CEP192: variants seen among roughly 807,000 people sequenced by gnomAD.
The protein encoded by CEP192 is centrosomal protein of 192 kDa.
In CEP192, 151 loss-of-function variants were observed where a neutral mutation model predicts 271.8. That is an observed-to-expected ratio of 0.56 (90% CI 0.49 to 0.64). CEP192 has a LOEUF of 0.64. Ranked by LOEUF, CEP192 falls within the 30% of genes least tolerant of loss-of-function variation. The pLI, the probability that CEP192 is intolerant of heterozygous loss-of-function variation, is 0.00. For missense variants in CEP192, 2,910 were observed against 3,020.5 expected (o/e 0.96, Z 0.86); for synonymous variants, 995 against 1,076.5 (o/e 0.92, Z 1.48).
chr18:13,083,480 C>G (rs2038733960), intron 30 of CEP192, among the ~76,000 whole-genome samples: 1 of 152,150 alleles, frequency 6.6e-6, no homozygotes, highest in Non-Finnish European at 1.5e-5. Flanking sequence ...CATTTGTGGT[C>G]TTCTCTGTGA....
chr18:13,051,693 G>A (rs544696188), intron 17 of CEP192, among the ~76,000 whole-genome samples: 3 of 152,106 alleles, frequency 2.0e-5, no homozygotes, highest in African/African-American at 7.2e-5. Context: ...ACAGGTGCCC[G>A]CCACCATGCC....
chr18:13,095,468 A>G, intron 34 of CEP192, 35 bp from the exon 35 acceptor site: 5 of 1,533,722 alleles, frequency 3.3e-6, no homozygotes, highest in Non-Finnish European at 4.4e-6. Flanking sequence ...CTCTTTCTTC[A>G]TGTCTAACTT....
chr18:13,048,949 T>TCAGC lies in CEP192; in HGVS notation c.2161_2164dup (p.Ile722SerfsTer8), dbSNP rs774267813. 2.1e-5 allele frequency: 34 copies of TCAGC among 1,614,008 alleles called. No homozygotes were observed. In the Admixed American group the frequency reaches 5.7e-4, roughly 27 times the overall value. On this transcript the variant is annotated frameshift_variant, in exon 16 of 45. Coordinates refer to ENST00000506447, the MANE Select transcript of CEP192 (RefSeq NM_032142.4). LOFTEE classifies it high-confidence loss of function. Reference sequence around the variant, plus strand: ...TATGCTTAGGATCAGCACCATTGCTTCAGCCATTGCAGAGGCATCAGTTAA... The same window carrying TCAGC: ...TATGCTTAGGATCAGCACCATTGCTTCAGCCAGCCATTGCAGAGGCATCAGTTAA...
intron 21 of CEP192, among the ~76,000 whole-genome samples, chr18:13,060,788 G>C (rs1023403476): frequency 3.3e-5 from 5 of 152,032 alleles, no homozygotes; most frequent in African/African-American, 1.2e-4. Context: ...GCTGGGTGTG[G>C]TGGTGCATGC....
chr18:13,062,242 G>A (rs1225124745), intron 21 of CEP192, among the ~76,000 whole-genome samples: 2 of 152,126 alleles, frequency 1.3e-5, no homozygotes, highest in East Asian at 1.9e-4. Context: ...TTGGAGGAGT[G>A]GAACTAGAGG....
At chr18:13,092,924 G>A (rs574258736) in intron 34 of CEP192, among the ~76,000 whole-genome samples, 1 of 152,212 alleles carries the variant, frequency 6.6e-6, no homozygotes, top group Admixed American at 6.5e-5. Flanking sequence ...GGAGGCCAAG[G>A]CAGGCGGATC....
At position 13,013,310 on chromosome 18, in the gene CEP192, T is replaced by A. The variant is rs145232692; in HGVS notation, c.519+285T>A. On this transcript the variant is annotated intron_variant, in intron 5 of 44. Coordinates refer to ENST00000506447, the MANE Select transcript of CEP192 (RefSeq NM_032142.4). ...TACAGGCTTCATCTAGAATGTTAGC[T>A]CCATGAGGGCAAGCATTTCTTTGTG... Among the ~76,000 whole-genome samples the A allele has an allele frequency of 1.9e-3, 288 of 152,266 alleles. 6 individuals are homozygous for A. The East Asian group carries it at 0.037, about 19-fold the overall frequency.
chr18:13,011,531 G>T (rs201256947), intron 4 of CEP192, among the ~76,000 whole-genome samples: 1 of 151,312 alleles, frequency 6.6e-6, no homozygotes, highest in Non-Finnish European at 1.5e-5. Flanking sequence ...GTTTTGTTTT[G>T]TTTTTTTTTG....
intron 3 of CEP192, among the ~76,000 whole-genome samples, chr18:13,006,605 G>A (rs1478595154): frequency 1.3e-5 from 2 of 152,204 alleles, no homozygotes; most frequent in South Asian, 2.1e-4. Context: ...TGCATAGTTT[G>A]TTCATTTTTA....
At position 13,094,983 on chromosome 18, in the gene CEP192, TGAGTGTTCC is replaced by T. The variant is rs1223478395; in HGVS notation, c.6255-519_6255-511del. On this transcript the variant is annotated intron_variant, in intron 34 of 44. Coordinates refer to ENST00000506447, the MANE Select transcript of CEP192 (RefSeq NM_032142.4). ...CCCAGTGCTGCTGACGCAGACTGGCTGAGTGTTCCCTGCAAGTCCCAGTGCCACCACCCA... is the reference window on the plus strand; with the variant it reads ...CCCAGTGCTGCTGACGCAGACTGGCTCTGCAAGTCCCAGTGCCACCACCCA... Among the ~76,000 whole-genome samples the T allele has an allele frequency of 2.6e-5, 4 of 152,352 alleles. No homozygotes were observed. In the East Asian group the frequency reaches 7.7e-4, roughly 29 times the overall value.
At chr18:13,041,254 T>C (rs895160915) in intron 14 of CEP192, among the ~76,000 whole-genome samples, 31 of 152,212 alleles carry the variant, frequency 2.0e-4, no homozygotes, top group African/African-American at 7.2e-4. Context: ...GTAGATATAA[T>C]TTATTATTTA....
chr18:12,999,318 A>AT (rs1175749728), intron 1 of CEP192, 103 bp from the exon 2 acceptor site: 49 of 924,136 alleles, frequency 5.3e-5, no homozygotes, highest in South Asian at 3.7e-4. Context: ...TAAAAAAAGG[A>AT]TTTTTTTCCT....
chr18:12,996,262 A>G (rs59572954), intron 1 of CEP192, among the ~76,000 whole-genome samples: 20,531 of 151,914 alleles, frequency 0.14, 2,118 homozygotes, highest in African/African-American at 0.28. Flanking sequence ...TTGTTAATGT[A>G]TAACTCTAGA....
At chr18:13,050,006 T>C (rs1266252595) in intron 17 of CEP192, 115 bp downstream of exon 17, 4 of 812,738 alleles carry the variant, frequency 4.9e-6, no homozygotes. Flanking sequence ...AAGGTAACTC[T>C]TGTAAGCTGT....
chr18:13,054,313 G>A (rs1270965448), intron 18 of CEP192, among the ~76,000 whole-genome samples: 1 of 152,228 alleles, frequency 6.6e-6, no homozygotes, highest in Non-Finnish European at 1.5e-5. Flanking sequence ...TGTGGGAGAA[G>A]CTAGTATTAG....
chr18:13,097,652 T>TA (rs2039468433), intron 36 of CEP192, among the ~76,000 whole-genome samples: 1 of 119,694 alleles, frequency 8.4e-6, no homozygotes. Flanking sequence ...AACTATTATT[T>TA]TTTTTTTTTT....
Position 13,095,489 on chromosome 18 carries a change from A to T in CEP192, c.6255-14A>T, listed in dbSNP as rs376265882. 6.6e-5 allele frequency: 104 copies of T among 1,580,312 alleles called. No individual in the cohort carries two copies. Among genetic ancestry groups the T allele is most frequent in the Non-Finnish European group, 8.7e-5 (101 of 1,166,392 alleles). On this transcript the variant is annotated splice_polypyrimidine_tract_variant and intron_variant, in intron 34 of 44. Transcript: ENST00000506447. ...CTTCATGTCTAACTTTTTCATTTTTAAATAATTTTTTAGCGACTTGGGAGC... is the reference window on the plus strand; with the variant it reads ...CTTCATGTCTAACTTTTTCATTTTTTAATAATTTTTTAGCGACTTGGGAGC...
intron 11 of CEP192, among the ~76,000 whole-genome samples, chr18:13,034,020 A>G (rs1331422936): frequency 6.6e-6 from 1 of 152,200 alleles, no homozygotes; most frequent in East Asian, 1.9e-4. Flanking sequence ...AGGGATGGGG[A>G]GATAGTTTTC....
chr18:13,045,954 A>G (rs1034604469), intron 15 of CEP192, among the ~76,000 whole-genome samples: 3 of 152,140 alleles, frequency 2.0e-5, no homozygotes, highest in African/African-American at 7.2e-5. Flanking sequence ...TGTTATAGGG[A>G]CATACTGTTG....
Sources: allele counts gnomAD v4.1 joint callset (sites outside exome capture counted in the v4.1 genomes callset), GRCh38; gene constraint gnomAD v4.1.1; transcripts MANE v1.5; gene names NCBI Gene and HGNC (gene_info 2026-07-23, HGNC 2026-07-21).